Variants in TMEM19 observed in about 807,000 individuals in gnomAD.
TMEM19 encodes transmembrane protein 19.
A neutral mutation model predicts 33.6 loss-of-function variants in TMEM19; 21 were observed. The ratio of observed to expected loss-of-function variants is 0.62; its 90% CI spans 0.44 to 0.90. The LOEUF is 0.90. Ranked by LOEUF, TMEM19 falls within the 40% of genes least tolerant of loss-of-function variation. The probability of loss-of-function intolerance (pLI) is 0.00; values close to 1 mark genes in which losing one functional copy is unlikely to be tolerated. For synonymous variants in TMEM19, 149 were observed against 147.5 expected, an observed-to-expected ratio of 1.01 and a Z score of -0.07; for missense variants, 402 against 401.8, an observed-to-expected ratio of 1.00 and a Z score of 0.00.
chr12:71,704,174 G>C lies in TMEM19; in HGVS notation c.*3179G>C. On this transcript the variant is annotated 3_prime_UTR_variant, in exon 6 of 6. Coordinates refer to ENST00000266673, the MANE Select transcript of TMEM19 (RefSeq NM_018279.4). ...TAGCATGTTGAAAACTCATTAAATG[G>C]AGCCACCAAGAGACCAAAGAATTGA... 4.6e-6 allele frequency: 1 copy of C among 215,088 alleles called. No individual in the cohort carries two copies. Among genetic ancestry groups the C allele is most frequent in the South Asian group, 6.1e-5 (1 of 16,484 alleles). 13.3% of individuals were successfully genotyped at this position (215,088 alleles called of 1,614,324 possible).
intron 4 of TMEM19, among the ~76,000 whole-genome samples, 184 bp downstream of exon 4, chr12:71,697,718 T>G (rs1453780226): frequency 6.6e-6 from 1 of 152,074 alleles, no homozygotes; most frequent in Non-Finnish European, 1.5e-5. Flanking sequence ...TAATAATAAA[T>G]AATATTTGCA....
rs537177237 is a variant in TMEM19 at position 71,702,905 on chromosome 12, C to G, written c.*1910C>G. The G allele has an allele frequency of 6.6e-6, 1 of 152,028 alleles. No homozygotes were observed. The highest frequency in any genetic ancestry group is 2.4e-5 in the African/African-American group (1 of 41,398). The allele number at this position is 152,028 out of a possible 1,614,324, so 9.4% of individuals were successfully genotyped here. On this transcript the variant is annotated 3_prime_UTR_variant, in exon 6 of 6. Transcript: ENST00000266673. ...CTGAATAAGAATATCCTGGGCCGGG[C>G]GCACTGGCTCATGCCTGTAATCCCA...
At chr12:71,695,958 C>T (rs1881863401) in intron 2 of TMEM19, among the ~76,000 whole-genome samples, 1 of 152,110 alleles carries the variant, frequency 6.6e-6, no homozygotes, top group South Asian at 2.1e-4. Context: ...CTGGAAGGGT[C>T]AATGAGTAAC....
rs906583191 is a variant in TMEM19, at chr12:71,686,232, T to A, written c.-449T>A. 14 of 213,534 alleles carry A rather than the reference T, an allele frequency of 6.6e-5. No homozygotes were observed. The highest frequency in any genetic ancestry group is 1.9e-5 in the Non-Finnish European group (2 of 106,566). The allele number at this position is 213,534 out of a possible 1,614,324, so 13.2% of individuals were successfully genotyped here. On this transcript the variant is annotated 5_prime_UTR_variant, in exon 1 of 6. Coordinates refer to ENST00000266673, the MANE Select transcript of TMEM19 (RefSeq NM_018279.4). The stretch of plus-strand genomic sequence containing the variant: ...TGCGTTCAGCCGCGTCGGGCGTGCT[T>A]CCCAGACTTGCCCAAGTTCGGGTGC...
chr12:71,699,474 A>G (rs1297957934), intron 5 of TMEM19: 2 of 371,250 alleles, frequency 5.4e-6, no homozygotes, highest in Non-Finnish European at 9.7e-6. Context: ...TAATTGTACA[A>G]ATCTGACTAT....
chr12:71,696,659 T>A, intron 3 of TMEM19, 86 bp downstream of exon 3: 7 of 1,295,386 alleles, frequency 5.4e-6, no homozygotes, highest in Non-Finnish European at 7.2e-6. Context: ...TTTTGTTTTT[T>A]TTTTTGAGAC....
intron 5 of TMEM19, 52 bp downstream of exon 5, chr12:71,699,161 G>A (rs1467480693): frequency 6.3e-7 from 1 of 1,582,226 alleles, no homozygotes; most frequent in Non-Finnish European, 8.7e-7. Flanking sequence ...AAGAAATAGG[G>A]AAAAGAAAGA....
chr12:71,700,433 G>A (rs1002293202), intron 5 of TMEM19, among the ~76,000 whole-genome samples: 24 of 152,124 alleles, frequency 1.6e-4, no homozygotes, highest in Admixed American at 2.6e-4. Context: ...TCCCAAGGAC[G>A]TCATAGATCA....
rs1022851992 is a variant in TMEM19, at chr12:71,704,802, A to G, written c.*3807A>G. 5.3e-5 allele frequency: 8 copies of G among 152,204 alleles called. No homozygotes were observed. Among genetic ancestry groups the G allele is most frequent in the Non-Finnish European group, 1.2e-4 (8 of 68,062 alleles). The allele number at this position is 152,204 out of a possible 1,614,324, so 9.4% of individuals were successfully genotyped here. On this transcript the variant is annotated 3_prime_UTR_variant, in exon 6 of 6. Coordinates refer to ENST00000266673, the MANE Select transcript of TMEM19 (RefSeq NM_018279.4). ...GTGCCACCGCACTCCAGCCTGGGTG[A>G]CAGAGCAAGACTCCATCTTGAAAAA... is the stretch of plus-strand genomic sequence containing the variant.
rs57148356 is a variant in TMEM19, at chr12:71,703,187, CA to C, written c.*2231del. 19 of 47,194 alleles carry C rather than the reference CA, an allele frequency of 4.0e-4. No individual in the cohort carries two copies. Among genetic ancestry groups the C allele is most frequent in the African/African-American group, 6.5e-4 (11 of 16,880 alleles). The allele number at this position is 47,194 out of a possible 1,614,324, so 2.9% of individuals were successfully genotyped here. A position where few individuals can be genotyped will look rare whatever the true frequency, so the allele number is the denominator to read the frequency against. On this transcript the variant is annotated 3_prime_UTR_variant, in exon 6 of 6. Transcript: ENST00000266673. ...GGGAGACTCCATCTAGACTCCATCTCAAAAAAAAAAAAAAAAAAAAAAAAAA... is the reference window on the plus strand; with the variant it reads ...GGGAGACTCCATCTAGACTCCATCTCAAAAAAAAAAAAAAAAAAAAAAAAA...
intron 2 of TMEM19, among the ~76,000 whole-genome samples, chr12:71,696,084 A>G (rs1444644960): frequency 3.3e-5 from 5 of 152,296 alleles, no homozygotes; most frequent in South Asian, 4.1e-4. Flanking sequence ...TAGGAGGCCA[A>G]TGCTGGGCAG....
chr12:71,691,428 C>T (rs1317226968), intron 2 of TMEM19, among the ~76,000 whole-genome samples: 10 of 151,582 alleles, frequency 6.6e-5, no homozygotes, highest in African/African-American at 2.4e-4. Context: ...ATAATTTGAA[C>T]AATCTCTGCT....
intron 3 of TMEM19, 55 bp from the exon 4 acceptor site, chr12:71,697,225 G>A: frequency 6.5e-7 from 1 of 1,547,562 alleles, no homozygotes; most frequent in South Asian, 1.3e-5. Context: ...TAACTGCATG[G>A]TTTTTCTTCT....
rs1328564433 is a variant in TMEM19 at position 71,701,795 on chromosome 12, G to A, written c.*800G>A. ...TCTTTGAATTATGTATGGCAACCTG[G>A]TTTAGCACTGGCATCCTGAACAGTT... is the stretch of plus-strand genomic sequence containing the variant. On this transcript the variant is annotated 3_prime_UTR_variant, in exon 6 of 6. Coordinates refer to ENST00000266673, the MANE Select transcript of TMEM19 (RefSeq NM_018279.4). 6.6e-6 allele frequency: 1 copy of A among 152,152 alleles called. No homozygotes were observed. Among genetic ancestry groups the A allele is most frequent in the Non-Finnish European group, 1.5e-5 (1 of 68,026 alleles). The allele number at this position is 152,152 out of a possible 1,614,324, so 9.4% of individuals were successfully genotyped here.
In TMEM19 at chr12:71,701,010, C is replaced by T; in HGVS notation, c.*15C>T. The T allele has an allele frequency of 6.3e-7, 1 of 1,598,282 alleles. No individual in the cohort carries two copies. The highest frequency in any genetic ancestry group is 8.5e-7 in the Non-Finnish European group (1 of 1,172,118). On this transcript the variant is annotated 3_prime_UTR_variant, in exon 6 of 6. Transcript: ENST00000266673. Reference sequence around the variant, plus strand: ...CCAGGGGGTGAACTTTATTTCATTTCCACAGGTTGAAACTGGTGAGTCCAG... The same window carrying T: ...CCAGGGGGTGAACTTTATTTCATTTTCACAGGTTGAAACTGGTGAGTCCAG...
intron 2 of TMEM19, among the ~76,000 whole-genome samples, chr12:71,690,824 T>C (rs1269334388): frequency 6.6e-6 from 1 of 152,154 alleles, no homozygotes; most frequent in Non-Finnish European, 1.5e-5. Context: ...TTTAGAGGCT[T>C]ATTTGAGAGT....
chr12:71,698,076 C>T (rs1881906391), intron 4 of TMEM19, among the ~76,000 whole-genome samples: 1 of 151,914 alleles, frequency 6.6e-6, no homozygotes, highest in Non-Finnish European at 1.5e-5. Context: ...ATATTCCAAA[C>T]TCTGAAAAAA....
At chr12:71,687,429 A>G (rs1881712223) in intron 1 of TMEM19, among the ~76,000 whole-genome samples, 1 of 151,990 alleles carries the variant, frequency 6.6e-6, no homozygotes, top group Admixed American at 6.6e-5. Flanking sequence ...AACTAGAAAA[A>G]AGCTGTAATC....
chr12:71,698,368 T>G (rs112433623), intron 4 of TMEM19, among the ~76,000 whole-genome samples: 14 of 152,350 alleles, frequency 9.2e-5, no homozygotes, highest in African/African-American at 3.4e-4. Context: ...AAATTGGTTC[T>G]TTTATTATTT....
Sources: allele counts gnomAD v4.1 joint callset (sites outside exome capture counted in the v4.1 genomes callset), GRCh38; gene constraint gnomAD v4.1.1; transcripts MANE v1.5; gene names NCBI Gene and HGNC (gene_info 2026-07-23, HGNC 2026-07-21).